TNNC1: variants seen among roughly 807,000 people sequenced by gnomAD.
TNNC1 encodes the protein troponin C, slow skeletal and cardiac muscles.
A neutral mutation model predicts 19.6 loss-of-function variants in TNNC1; 10 were observed. The observed-to-expected ratio is 0.51, with a 90% CI of 0.31 to 0.87. TNNC1 has a LOEUF of 0.87. Among genes scored for constraint, TNNC1 ranks in the 40% least tolerant of loss-of-function variants. The pLI is 0.04. For missense variants in TNNC1, 115 were observed against 219.8 expected (o/e 0.52, Z 3.02); for synonymous variants, 85 against 80.1 (o/e 1.06, Z -0.33).
At position 52,452,401 on chromosome 3, in the gene TNNC1, G is replaced by T; in HGVS notation, c.55+82C>A. The T allele has an allele frequency of 6.3e-7, 1 of 1,588,714 alleles. No individual in the cohort carries two copies. On this transcript the variant is annotated intron_variant, in intron 2 of 5. Transcript: ENST00000232975. This position sits in a 1 kb window ranked among gnomAD's most constrained non-coding sequence, Gnocchi z 5.2. ...AAGAGGGACCAAGCCTCTGGTCTCT[G>T]GCCTGGGGTCCTCTTCTGATAAGGG...
In TNNC1 at chr3:52,452,063, G is replaced by C. The variant is rs183307741; in HGVS notation, c.202+43C>G. 2.5e-6 allele frequency: 4 copies of C among 1,613,288 alleles called. No individual in the cohort carries two copies. In the African/African-American group the frequency reaches 5.3e-5, roughly 22 times the overall value. The stretch of plus-strand genomic sequence containing the variant: ...AACAGAGCCAGCATTCCAGCCCCCA[G>C]CCAGCTGGGGTTCTTCTGGAGCCTG... On this transcript the variant is annotated intron_variant, in intron 3 of 5. Transcript: ENST00000232975. This position sits in a 1 kb window ranked among gnomAD's most constrained non-coding sequence, Gnocchi z 5.2.
chr3:52,452,558 G>A lies in TNNC1; in HGVS notation c.25-45C>T, dbSNP rs748913363. 18 of 1,605,128 alleles carry A rather than the reference G, an allele frequency of 1.1e-5. No homozygotes were observed. Among genetic ancestry groups the A allele is most frequent in the Non-Finnish European group, 1.5e-5 (18 of 1,175,086 alleles). On this transcript the variant is annotated intron_variant, in intron 1 of 5. Transcript: ENST00000232975. This position sits in a 1 kb window ranked among gnomAD's most constrained non-coding sequence, Gnocchi z 5.2. ...TCAAGGCTCAGACTCAGGTATAGCT[G>A]CTGCTGAGGAAACCAACCCATTCCA...
chr3:52,452,164 C>T lies in TNNC1; in HGVS notation c.144G>A (p.Leu48=), dbSNP rs1251887019. ...GCTCCTCAGGGGTGGGGTTCTGGCC[C>T]AGCATCCTCATCACCTTGCCCAGCT... ...TKELGKVMRM[L]GQNPTPEELQ... The change falls in exon 3 of 6, where the codon CTG becomes CTA. Residue 48 remains leucine, a synonymous_variant. Transcript: ENST00000232975. The surrounding 1 kb of genome is among the most constrained non-coding windows in gnomAD (Gnocchi z 5.2). 1.2e-6 allele frequency: 2 copies of T among 1,614,008 alleles called. No individual in the cohort carries two copies. Among genetic ancestry groups the T allele is most frequent in the East Asian group, 4.5e-5 (2 of 44,878 alleles).
In TNNC1 at chr3:52,454,019, G is replaced by A. The variant is rs1298557989; in HGVS notation, c.-4C>T. On this transcript the variant is annotated 5_prime_UTR_variant, in exon 1 of 6. Coordinates refer to ENST00000232975, the MANE Select transcript of TNNC1 (RefSeq NM_003280.3). ...CAGCCTTGTAGATGTCATCCATGCT[G>A]GCGGCTCACAGGACAGCTTGCTGGG... 1 of 1,579,338 alleles carries A rather than the reference G, an allele frequency of 6.3e-7. No homozygotes were observed. The highest frequency in any genetic ancestry group is 8.6e-7 in the Non-Finnish European group (1 of 1,160,972).
chr3:52,451,401 G>A lies in TNNC1; in HGVS notation c.444C>T (p.Ile148=), dbSNP rs149428762. The A allele has an allele frequency of 1.9e-5, 30 of 1,614,028 alleles. No homozygotes were observed. The highest frequency in any genetic ancestry group is 6.7e-5 in the African/African-American group (5 of 74,904). The stretch of plus-strand genomic sequence containing the variant: ...CACCCACCCGCTTACCATCATAGTC[G>A]ATGCGGCCGTCGTTGTTCTTGTCTC... ...KDGDKNNDGR[I]DYDEFLEFMK... is the part of the protein sequence containing the mutation. Residue 148 remains isoleucine (I), a synonymous_variant, in exon 5 of 6, where the codon ATC becomes ATT. Transcript: ENST00000232975. The surrounding 1 kb of genome is among the most constrained non-coding windows in gnomAD (Gnocchi z 4.8).
At position 52,451,424 on chromosome 3, in the gene TNNC1, C is replaced by T; in HGVS notation, c.421G>A (p.Asp141Asn). ...TCGATGCGGCCGTCGTTGTTCTTGT[C>T]TCCGTCCTTCATGAGCTCCTCGATG... ...DDIEELMKDG[D>N]KNNDGRIDYD... is the part of the protein sequence containing the mutation. The change falls in exon 5 of 6, where the codon GAC (aspartate) becomes AAC (asparagine). Residue 141 changes from aspartate to asparagine, a missense_variant. By Grantham distance (23) the Asp-to-Asn change is conservative. Transcript: ENST00000232975. This position sits in a 1 kb window ranked among gnomAD's most constrained non-coding sequence, Gnocchi z 4.8. 1 of 1,614,180 alleles carries T rather than the reference C, an allele frequency of 6.2e-7. No individual in the cohort carries two copies. The highest frequency in any genetic ancestry group is 1.3e-5 in the African/African-American group (1 of 75,046).
chr3:52,453,858 G>A, intron 1 of TNNC1, 134 bp downstream of exon 1: 11 of 1,037,696 alleles, frequency 1.1e-5, no homozygotes, highest in Non-Finnish European at 1.5e-5. Context: ...GTCCCTGTGA[G>A]GGCCTGGGTT....
Position 52,451,649 on chromosome 3 carries a change from C to T in TNNC1, c.317+95G>A. ...ATCCCTCTCCCCTATCAGGCAGAGG[C>T]CACAGGGTCCCTAGGCCTGGAATCT... On this transcript the variant is annotated intron_variant, in intron 4 of 5. Coordinates refer to ENST00000232975, the MANE Select transcript of TNNC1 (RefSeq NM_003280.3). The surrounding 1 kb of genome is among the most constrained non-coding windows in gnomAD (Gnocchi z 4.8). 6.4e-7 allele frequency: 1 copy of T among 1,569,840 alleles called. No individual in the cohort carries two copies.
In TNNC1 at chr3:52,451,623, C is replaced by T. The variant is rs1270146159; in HGVS notation, c.318-96G>A. 1.8e-5 allele frequency: 28 copies of T among 1,565,400 alleles called. No individual in the cohort carries two copies. The highest frequency in any genetic ancestry group is 2.4e-5 in the Non-Finnish European group (27 of 1,136,520). The stretch of plus-strand genomic sequence containing the variant: ...AGAGCAGGGACACTGGGAGATGGGG[C>T]ATCCCTCTCCCCTATCAGGCAGAGG... On this transcript the variant is annotated intron_variant, in intron 4 of 5. Transcript: ENST00000232975. This position sits in a 1 kb window ranked among gnomAD's most constrained non-coding sequence, Gnocchi z 4.8.
chr3:52,453,616 G>A (rs1219825081), intron 1 of TNNC1, among the ~76,000 whole-genome samples: 2 of 152,156 alleles, frequency 1.3e-5, no homozygotes, highest in Non-Finnish European at 2.9e-5. Flanking sequence ...TGGGGGTTGG[G>A]GACAGGGAGA....
In TNNC1 at chr3:52,452,771, G is replaced by C. The variant is rs559120356; in HGVS notation, c.25-258C>G. ...AGGTGACCCTCAGTAACAATAGTCA[G>C]TGACCACTCAATGCCCTTTCGGCCC... On this transcript the variant is annotated intron_variant, in intron 1 of 5. Transcript: ENST00000232975. The surrounding 1 kb of genome is among the most constrained non-coding windows in gnomAD (Gnocchi z 5.2). 1 of 580,966 alleles carries C rather than the reference G, an allele frequency of 1.7e-6. No individual in the cohort carries two copies. The highest frequency in any genetic ancestry group is 3.1e-6 in the Non-Finnish European group (1 of 324,572). 36.0% of individuals were successfully genotyped at this position (580,966 alleles called of 1,614,324 possible). A position where few individuals can be genotyped will look rare whatever the true frequency, so the allele number is the denominator to read the frequency against.
In TNNC1 at chr3:52,452,719, G is replaced by A. The variant is rs1706347413; in HGVS notation, c.25-206C>T. On this transcript the variant is annotated intron_variant, in intron 1 of 5. Transcript: ENST00000232975. This position sits in a 1 kb window ranked among gnomAD's most constrained non-coding sequence, Gnocchi z 5.2. ...CTGCGACTGGGCTCAGGGCCAGGGT[G>A]ACAGGTGGGCACCCCCTTCAGGACC... 4 of 640,804 alleles carry A rather than the reference G, an allele frequency of 6.2e-6. No homozygotes were observed. In the East Asian group the frequency reaches 1.1e-4, roughly 18 times the overall value. 39.7% of individuals were successfully genotyped at this position (640,804 alleles called of 1,614,324 possible).
In TNNC1 at chr3:52,451,500, A is replaced by T. The variant is rs754343698; in HGVS notation, c.345T>A (p.Asp115Glu). The T allele has an allele frequency of 6.2e-7, 1 of 1,614,060 alleles. No individual in the cohort carries two copies. The highest frequency in any genetic ancestry group is 2.2e-5 in the East Asian group (1 of 44,876). Residue 115 changes from aspartate (D) to glutamate (E), a missense_variant, in exon 5 of 6, where the codon GAT becomes GAA. Coordinates refer to ENST00000232975, the MANE Select transcript of TNNC1 (RefSeq NM_003280.3). This position sits in a 1 kb window ranked among gnomAD's most constrained non-coding sequence, Gnocchi z 4.8. ...TAGCCTGCAGCATTATCTTCAGCTCATCCAGGTCGATGTAGCCATCAGCAT... is the reference window on the plus strand; with the variant it reads ...TAGCCTGCAGCATTATCTTCAGCTCTTCCAGGTCGATGTAGCCATCAGCAT... ...DKNADGYIDLDELKIMLQATG... is the reference protein window; with the variant it reads ...DKNADGYIDLEELKIMLQATG...
chr3:52,451,853 C>T lies in TNNC1; in HGVS notation c.208G>A (p.Gly70Ser), dbSNP rs772752716. The T allele has an allele frequency of 9.3e-6, 15 of 1,613,872 alleles. No homozygotes were observed. The highest frequency in any genetic ancestry group is 6.7e-5 in the Admixed American group (4 of 60,000). The change falls in exon 4 of 6, where the codon GGC (glycine) becomes AGC (serine). Residue 70 changes from glycine to serine, a missense_variant. Gly to Ser is a moderately conservative substitution (Grantham distance 56). This residue lies in a region of TNNC1 where 19 missense variants were observed against 105.6 expected (regional missense o/e 0.18). Transcript: ENST00000232975. The surrounding 1 kb of genome is among the most constrained non-coding windows in gnomAD (Gnocchi z 4.8). ...AGGAACTCATCAAAGTCCACCGTGCCGCTGCCTGGGGGTGGGCAGCATGGC... is the reference window on the plus strand; with the variant it reads ...AGGAACTCATCAAAGTCCACCGTGCTGCTGCCTGGGGGTGGGCAGCATGGC... ...MIDEVDEDGS[G>S]TVDFDEFLVM...
intron 1 of TNNC1, among the ~76,000 whole-genome samples, chr3:52,453,749 CAG>C (rs1475183553): frequency 2.0e-5 from 3 of 152,202 alleles, no homozygotes; most frequent in Non-Finnish European, 4.4e-5. Flanking sequence ...CACTTGGAAA[CAG>C]AGAGTGAGAC....
chr3:52,451,572 G>A lies in TNNC1; in HGVS notation c.318-45C>T. ...GGTAGGGCTGTGGGGAGGGCATGAG[G>A]CAGCCCCACCCATGCCCCAGGAGGC... On this transcript the variant is annotated intron_variant, in intron 4 of 5. Coordinates refer to ENST00000232975, the MANE Select transcript of TNNC1 (RefSeq NM_003280.3). The surrounding 1 kb of genome is among the most constrained non-coding windows in gnomAD (Gnocchi z 4.8). The A allele has an allele frequency of 6.2e-7, 1 of 1,612,382 alleles. No homozygotes were observed. Among genetic ancestry groups the A allele is most frequent in the Non-Finnish European group, 8.5e-7 (1 of 1,178,984 alleles).
At position 52,451,343 on chromosome 3, in the gene TNNC1, G is replaced by A. The variant is rs1376171856; in HGVS notation, c.455-37C>T. 9 of 1,613,990 alleles carry A rather than the reference G, an allele frequency of 5.6e-6. No individual in the cohort carries two copies. The Admixed American group carries it at 1.3e-4, about 24-fold the overall frequency. ...GGGGCAGGTGTGGGTTGAGGGTAGG[G>A]GCTGGGCAGGGCATGGAGGCAGGAG... On this transcript the variant is annotated intron_variant, in intron 5 of 5. Transcript: ENST00000232975. The surrounding 1 kb of genome is among the most constrained non-coding windows in gnomAD (Gnocchi z 4.8).
Position 52,451,322 on chromosome 3 carries a change from C to T in TNNC1, c.455-16G>A, listed in dbSNP as rs1273339426. The stretch of plus-strand genomic sequence containing the variant: ...TCCAGGAACTCTGTGGAAAGAGGGG[C>T]AGGTGTGGGTTGAGGGTAGGGGCTG... On this transcript the variant is annotated splice_polypyrimidine_tract_variant and intron_variant, in intron 5 of 5. Transcript: ENST00000232975. The surrounding 1 kb of genome is among the most constrained non-coding windows in gnomAD (Gnocchi z 4.8). 1 of 1,614,058 alleles carries T rather than the reference C, an allele frequency of 6.2e-7. No homozygotes were observed. The highest frequency in any genetic ancestry group is 1.7e-5 in the Admixed American group (1 of 60,020).
At chr3:52,453,917 C>T (rs1706367956) in intron 1 of TNNC1, 75 bp downstream of exon 1, 1 of 1,532,928 alleles carries the variant, frequency 6.5e-7, no homozygotes. Context: ...CCTGGGGCTA[C>T]TAACCCCGCA....
Sources: gnomAD v4.1 joint callset for allele counts (sites outside exome capture counted in the v4.1 genomes callset) on GRCh38, gnomAD v4.1.1 for gene constraint, gnomAD v4.1.1 regional missense constraint, Gnocchi (gnomAD v3.1) non-coding constraint, MANE v1.5 for transcripts, NCBI Gene and HGNC (gene_info 2026-07-23, HGNC 2026-07-21) for gene names.